Variants in GRM1 observed in about 807,000 individuals in gnomAD.
GRM1 encodes the protein metabotropic glutamate receptor 1.
GRM1 carries 33 observed loss-of-function variants against 90.9 expected under a neutral mutation model. The observed-to-expected ratio is 0.36, with a 90% CI of 0.28 to 0.49. GRM1 has a LOEUF of 0.49. GRM1 is among the 20% of genes least tolerant of loss of function. The probability of loss-of-function intolerance (pLI) is 0.99; values close to 1 mark genes in which losing one functional copy is unlikely to be tolerated. For missense variants in GRM1, 1,190 were observed against 1,534.3 expected, an observed-to-expected ratio of 0.78 and a Z score of 3.75; for synonymous variants, 700 against 613.2, an observed-to-expected ratio of 1.14 and a Z score of -2.09.
chr6:146,244,120 T>C (rs541698178), intron 2 of GRM1, among the ~76,000 whole-genome samples: 2 of 152,200 alleles, frequency 1.3e-5, no homozygotes, highest in East Asian at 3.9e-4. Flanking sequence ...CACACATGAG[T>C]TATGAACAAT....
At chr6:146,393,015 G>A (rs1404483401) in intron 6 of GRM1, among the ~76,000 whole-genome samples, 1 of 152,114 alleles carries the variant, frequency 6.6e-6, no homozygotes, top group African/African-American at 2.4e-5. Context: ...TGTCTTTATA[G>A]TAGAATGATT....
intron 2 of GRM1, among the ~76,000 whole-genome samples, chr6:146,249,505 G>C (rs1781197297): frequency 6.6e-6 from 1 of 152,164 alleles, no homozygotes; most frequent in South Asian, 2.1e-4. Flanking sequence ...TGTCCATGTG[G>C]TTTTGGGCCT....
intron 1 of GRM1, among the ~76,000 whole-genome samples, chr6:146,141,371 T>C (rs904451504): frequency 1.3e-5 from 2 of 152,110 alleles, no homozygotes; most frequent in African/African-American, 4.8e-5. Context: ...TAGTCTTCTT[T>C]GGGTTAAATC....
chr6:146,319,871 C>T (rs1380682772), intron 3 of GRM1, among the ~76,000 whole-genome samples: 4 of 152,092 alleles, frequency 2.6e-5, no homozygotes, highest in East Asian at 1.9e-4. Context: ...TGGGCTGAGT[C>T]GATGGGGTTT....
chr6:146,316,555 G>C (rs1200223945), intron 3 of GRM1, among the ~76,000 whole-genome samples: 1 of 152,172 alleles, frequency 6.6e-6, no homozygotes, highest in Non-Finnish European at 1.5e-5. Context: ...TACTGCTGCA[G>C]GCTGATTCTG....
rs191764444 is a variant in GRM1, at chr6:146,254,156, C to T, written c.951-50455C>T. On this transcript the variant is annotated intron_variant, in intron 2 of 7. Transcript: ENST00000282753. ...CATGAAGCCAGAGAATGGGCAGAAA[C>T]GACGGCAGCAAGAATCACAGAAACA... Among the ~76,000 whole-genome samples the T allele has an allele frequency of 4.8e-3, 726 of 152,186 alleles. 5 individuals carry two copies. Among genetic ancestry groups the T allele is most frequent in the Non-Finnish European group, 4.9e-3 (331 of 68,008 alleles).
intron 2 of GRM1, among the ~76,000 whole-genome samples, chr6:146,294,247 A>G (rs12200797): frequency 0.13 from 19,797 of 151,860 alleles, 1,454 homozygotes; most frequent in South Asian, 0.2. Context: ...GAACTCTTTA[A>G]GCTACTTCCT....
intron 5 of GRM1, among the ~76,000 whole-genome samples, chr6:146,381,332 G>C (rs79131451): frequency 2.0e-5 from 3 of 152,190 alleles, no homozygotes; most frequent in East Asian, 3.9e-4. Flanking sequence ...CTTCTAGATA[G>C]GGCTGGTTTA....
chr6:146,247,506 T>A (rs1269764368), intron 2 of GRM1, among the ~76,000 whole-genome samples: 1 of 152,084 alleles, frequency 6.6e-6, no homozygotes, highest in East Asian at 1.9e-4. Flanking sequence ...CCCAGCACTT[T>A]GGGAGGCTGA....
chr6:146,344,831 G>A (rs1372093042), intron 3 of GRM1, among the ~76,000 whole-genome samples: 6 of 150,700 alleles, frequency 4.0e-5, no homozygotes, highest in Non-Finnish European at 7.4e-5. Context: ...TTTTTTTTGA[G>A]ACGGAGTTTC....
At chr6:146,309,997 A>G (rs1583306086) in intron 3 of GRM1, among the ~76,000 whole-genome samples, 1 of 152,254 alleles carries the variant, frequency 6.6e-6, no homozygotes, top group African/African-American at 2.4e-5. Context: ...TTTTCTCTCC[A>G]TATTCTTTGT....
At chr6:146,289,963 A>T (rs984346857) in intron 2 of GRM1, among the ~76,000 whole-genome samples, 2 of 152,212 alleles carry the variant, frequency 1.3e-5, no homozygotes, top group African/African-American at 4.8e-5. Flanking sequence ...GTGAAAAATG[A>T]TTGTACCTGT....
chr6:146,089,621 G>A (rs751805653), intron 1 of GRM1, among the ~76,000 whole-genome samples: 13 of 152,100 alleles, frequency 8.5e-5, no homozygotes, highest in Non-Finnish European at 1.3e-4. Flanking sequence ...ATATATTGAT[G>A]CCTTTATTTT....
At chr6:146,182,667 C>T (rs1332306181) in intron 2 of GRM1, among the ~76,000 whole-genome samples, 1 of 152,118 alleles carries the variant, frequency 6.6e-6, no homozygotes. Flanking sequence ...TGGAGTGCTA[C>T]CTCCATCACT....
At chr6:146,267,123 G>A (rs1450799129) in intron 2 of GRM1, among the ~76,000 whole-genome samples, 1 of 152,078 alleles carries the variant, frequency 6.6e-6, no homozygotes, top group Non-Finnish European at 1.5e-5. Context: ...CTACTTATAA[G>A]TGAGAACATA....
chr6:146,344,048 A>C (rs1380993556), intron 3 of GRM1, among the ~76,000 whole-genome samples: 2 of 152,196 alleles, frequency 1.3e-5, no homozygotes, highest in Non-Finnish European at 2.9e-5. Context: ...GTATAAGTTT[A>C]TCAGTTTATA....
At chr6:146,433,276 T>C (rs1049411467) in intron 7 of GRM1, among the ~76,000 whole-genome samples, 3 of 152,226 alleles carry the variant, frequency 2.0e-5, no homozygotes, top group Non-Finnish European at 4.4e-5. Flanking sequence ...GTCTGAGTTT[T>C]TCTGTCATCT....
chr6:146,053,083 G>C (rs1775351840), intron 1 of GRM1, among the ~76,000 whole-genome samples: 1 of 152,020 alleles, frequency 6.6e-6, no homozygotes, highest in Admixed American at 6.6e-5. Context: ...ACCATTCTCA[G>C]TTATCCATCA....
chr6:146,193,643 G>A (rs1779007019), intron 2 of GRM1, among the ~76,000 whole-genome samples: 1 of 152,026 alleles, frequency 6.6e-6, no homozygotes, highest in African/African-American at 2.4e-5. Context: ...TGTGTCTCAG[G>A]TTTTACAACA....
Sources: allele counts gnomAD v4.1 joint callset (sites outside exome capture counted in the v4.1 genomes callset), GRCh38; gene constraint gnomAD v4.1.1; transcripts MANE v1.5; gene names NCBI Gene and HGNC (gene_info 2026-07-23, HGNC 2026-07-21).